GLIPR1L1: variants seen among roughly 807,000 people sequenced by gnomAD.
GLIPR1L1 encodes the protein GLIPR1 like 1, also known as GLIPR1-like protein 1.
GLIPR1L1 carries 26 observed loss-of-function variants against 29.9 expected under a neutral mutation model. That is an observed-to-expected ratio of 0.87 (90% CI 0.64 to 1.21). GLIPR1L1 has a LOEUF of 1.21. Ranked by LOEUF, GLIPR1L1 falls within the 50% of genes most tolerant of loss-of-function variation. GLIPR1L1 has a pLI of 0.00. For missense variants in GLIPR1L1, 305 were observed against 290.3 expected (o/e 1.05, Z -0.37); for synonymous variants, 77 against 97.5 (o/e 0.79, Z 1.24).
chr12:75,363,200 AATAT>A lies in GLIPR1L1; in HGVS notation c.610+20_610+23del, dbSNP rs770296230. 1.6e-6 allele frequency: 2 copies of A among 1,225,070 alleles called. No individual in the cohort carries two copies. Among genetic ancestry groups the A allele is most frequent in the Non-Finnish European group, 2.2e-6 (2 of 900,968 alleles). The allele number at this position is 1,225,070 out of a possible 1,614,324, so 75.9% of individuals were successfully genotyped here. ...GTAAAGAACCTCTGCAGTAAGCAAA[AATAT>A]ATATATATAATTACATTTAGAGAGT... On this transcript the variant is annotated intron_variant, in intron 4 of 5. Transcript: ENST00000378695.
Position 75,357,292 on chromosome 12 carries a change from T to C in GLIPR1L1, c.522-5810T>C, listed in dbSNP as rs1024217567. Among the ~76,000 whole-genome samples, 4 of 152,296 alleles carry C rather than the reference T, an allele frequency of 2.6e-5. No individual in the cohort carries two copies. The South Asian group carries it at 6.2e-4, about 24-fold the overall frequency. On this transcript the variant is annotated intron_variant, in intron 3 of 5. Coordinates refer to ENST00000378695, the MANE Select transcript of GLIPR1L1 (RefSeq NM_001304964.2). Reference sequence around the variant, plus strand: ...GATAAATTTCACTTCACAATGATAATTGGGTTAATTAATCAAGAGAACATA... The same window carrying C: ...GATAAATTTCACTTCACAATGATAACTGGGTTAATTAATCAAGAGAACATA...
intron 1 of GLIPR1L1, among the ~76,000 whole-genome samples, chr12:75,340,841 T>C (rs898614539): frequency 2.0e-4 from 30 of 151,898 alleles, no homozygotes; most frequent in Non-Finnish European, 2.8e-4. Context: ...TAAACATCAT[T>C]AGCCATTAGT....
chr12:75,364,148 T>C (rs2043806920), intron 4 of GLIPR1L1, among the ~76,000 whole-genome samples: 1 of 152,220 alleles, frequency 6.6e-6, no homozygotes, highest in Non-Finnish European at 1.5e-5. Flanking sequence ...TCTATTAGAC[T>C]TAAGATCTGT....
rs528086887 is a variant in GLIPR1L1 at position 75,353,385 on chromosome 12, G to A, written c.521+5663G>A. On this transcript the variant is annotated intron_variant, in intron 3 of 5. Coordinates refer to ENST00000378695, the MANE Select transcript of GLIPR1L1 (RefSeq NM_001304964.2). The stretch of plus-strand genomic sequence containing the variant: ...TAAACACCTCTGTGCAAATCACTTG[G>A]AAAATCTAGAAGAAATTGATAAATT... Among the ~76,000 whole-genome samples, 184 of 152,248 alleles carry A rather than the reference G, an allele frequency of 1.2e-3. 2 individuals are homozygous for A. The South Asian group carries it at 0.017, about 14-fold the overall frequency.
At chr12:75,340,207 T>A (rs962717224) in intron 1 of GLIPR1L1, among the ~76,000 whole-genome samples, 1 of 151,214 alleles carries the variant, frequency 6.6e-6, no homozygotes, top group African/African-American at 2.4e-5. Flanking sequence ...TATTGGTTGA[T>A]GGGCATTTAG....
At chr12:75,352,631 C>T (rs1007453104) in intron 3 of GLIPR1L1, among the ~76,000 whole-genome samples, 1 of 152,180 alleles carries the variant, frequency 6.6e-6, no homozygotes, top group Non-Finnish European at 1.5e-5. Flanking sequence ...TGAAGTTGAA[C>T]TCAGCTCTGG....
chr12:75,337,468 A>G (rs996412402), intron 1 of GLIPR1L1, among the ~76,000 whole-genome samples: 7 of 151,978 alleles, frequency 4.6e-5, no homozygotes, highest in African/African-American at 1.7e-4. Context: ...GAACAAATTT[A>G]TACTAATAAA....
intron 1 of GLIPR1L1, among the ~76,000 whole-genome samples, chr12:75,335,612 C>T (rs954371086): frequency 6.6e-6 from 1 of 151,990 alleles, no homozygotes; most frequent in Non-Finnish European, 1.5e-5. Flanking sequence ...TTCTTCTTTT[C>T]TATCCAGTGG....
chr12:75,340,121 T>C (rs79981384), intron 1 of GLIPR1L1, among the ~76,000 whole-genome samples: 5,780 of 150,736 alleles, frequency 0.038, 128 homozygotes, highest in East Asian at 0.051. Flanking sequence ...ATTATATGTA[T>C]ATATTTTATA....
At chr12:75,352,750 A>G (rs1427623431) in intron 3 of GLIPR1L1, among the ~76,000 whole-genome samples, 1 of 152,244 alleles carries the variant, frequency 6.6e-6, no homozygotes, top group Non-Finnish European at 1.5e-5. Flanking sequence ...CATAATTGGA[A>G]GTAAATCACT....
intron 3 of GLIPR1L1, among the ~76,000 whole-genome samples, chr12:75,359,353 TTG>T (rs1565995152): frequency 6.9e-6 from 1 of 145,548 alleles, no homozygotes. Flanking sequence ...CTCAGCATTG[TTG>T]TCTTTTTTTT....
chr12:75,361,579 T>C (rs1489200242), intron 3 of GLIPR1L1, among the ~76,000 whole-genome samples: 4 of 152,168 alleles, frequency 2.6e-5, no homozygotes. Flanking sequence ...GAAAGAGATG[T>C]AATTGACTCA....
chr12:75,357,506 T>C (rs1255613415), intron 3 of GLIPR1L1, among the ~76,000 whole-genome samples: 1 of 151,980 alleles, frequency 6.6e-6, no homozygotes, highest in Non-Finnish European at 1.5e-5. Context: ...CTCAAGCAAC[T>C]TTACCTGATG....
intron 4 of GLIPR1L1, among the ~76,000 whole-genome samples, chr12:75,367,639 G>A (rs1479666990): frequency 6.6e-6 from 1 of 151,920 alleles, no homozygotes; most frequent in Non-Finnish European, 1.5e-5. Flanking sequence ...AAATTTAAAT[G>A]CTTTTGTATA....
intron 4 of GLIPR1L1, chr12:75,369,487 A>C (rs1241274833): frequency 1.0e-6 from 1 of 967,284 alleles, no homozygotes; most frequent in Non-Finnish European, 1.2e-6. Flanking sequence ...ATTATTTCCT[A>C]ATGAAGTGCT....
chr12:75,359,960 A>T (rs1030248299), intron 3 of GLIPR1L1: 4 of 152,208 alleles, frequency 2.6e-5, no homozygotes, highest in Non-Finnish European at 5.9e-5. Flanking sequence ...CAATGATGGC[A>T]TAAGGCAAAG....
At chr12:75,364,705 C>T (rs1411497088) in intron 4 of GLIPR1L1, 1 of 152,186 alleles carries the variant, frequency 6.6e-6, no homozygotes, top group Non-Finnish European at 1.5e-5. Flanking sequence ...ATTAGCTACA[C>T]AGAACATAAG....
rs76443124 is a variant in GLIPR1L1 at position 75,343,731 on chromosome 12, G to A, written c.213G>A (p.Trp71Ter). The A allele has an allele frequency of 3.1e-6, 5 of 1,612,370 alleles. No homozygotes were observed. The East Asian group carries it at 1.1e-4, about 36-fold the overall frequency. ...DKGLAKMAKA[W>*]ANQCKFEHND... ...GTTTAGCAAAGATGGCTAAAGCATG[G>A]GCAAACCAGTGCAAATTTGAACATA... The change falls in exon 2 of 6, where the codon TGG becomes TGA. Residue 71 changes from tryptophan (W) to a stop codon, truncating the protein, a stop_gained. Transcript: ENST00000378695. LOFTEE classifies it high-confidence loss of function.
chr12:75,342,025 G>A (rs1183244435), intron 1 of GLIPR1L1, among the ~76,000 whole-genome samples: 1 of 152,172 alleles, frequency 6.6e-6, no homozygotes, highest in Non-Finnish European at 1.5e-5. Flanking sequence ...TTACAGGCAT[G>A]AGTCACCACG....
Sources: allele counts gnomAD v4.1 joint callset (sites outside exome capture counted in the v4.1 genomes callset), GRCh38; gene constraint gnomAD v4.1.1; transcripts MANE v1.5; gene names NCBI Gene and HGNC (gene_info 2026-07-23, HGNC 2026-07-21).